ADAM7: variants seen among roughly 807,000 people sequenced by gnomAD.
ADAM7 encodes the protein ADAM metallopeptidase domain 7.
In ADAM7, 97 loss-of-function variants were observed where a neutral mutation model predicts 102.9. The ratio of observed to expected loss-of-function variants is 0.94; its 90% confidence interval spans 0.80 to 1.12. The LOEUF (loss-of-function observed/expected upper bound fraction) is 1.12. ADAM7 is among the 50% of genes most tolerant of loss of function. ADAM7 has a pLI of 0.00. For missense variants in ADAM7, 991 were observed against 908.7 expected (o/e 1.09, Z -1.16); for synonymous variants, 334 against 304.4 (o/e 1.10, Z -1.01).
rs1391265461 is a variant in ADAM7, at chr8:24,451,846, T to C, written c.233+4584T>C. Among the ~76,000 whole-genome samples, 3 of 150,970 alleles carry C rather than the reference T, an allele frequency of 2.0e-5. No individual in the cohort carries two copies. The Admixed American group carries it at 2.0e-4, about 10-fold the overall frequency. ...ATGCGTCCCAGAGATTCTGGTATGT[T>C]GTGTCTTTGTTCTCGTTGGTTTCAA... On this transcript the variant is annotated intron_variant, in intron 3 of 21. Transcript: ENST00000175238.
intron 11 of ADAM7, among the ~76,000 whole-genome samples, chr8:24,488,768 CTAA>C (rs1246611548): frequency 6.6e-6 from 1 of 151,940 alleles, no homozygotes; most frequent in Non-Finnish European, 1.5e-5. Flanking sequence ...ACTGTGTTAA[CTAA>C]TGTTTATTTT....
intron 7 of ADAM7, among the ~76,000 whole-genome samples, chr8:24,475,443 GAA>G (rs1819735686): frequency 6.6e-6 from 1 of 152,038 alleles, no homozygotes; most frequent in Non-Finnish European, 1.5e-5. Flanking sequence ...TCTTGAAACA[GAA>G]AATAGTCAAC....
At chr8:24,498,167 G>T (rs1312826332) in intron 16 of ADAM7, among the ~76,000 whole-genome samples, 1 of 151,702 alleles carries the variant, frequency 6.6e-6, no homozygotes, top group South Asian at 2.1e-4. Flanking sequence ...AACTCCATAA[G>T]ACTTTTGAGT....
At chr8:24,500,373 C>A in intron 18 of ADAM7, 117 bp downstream of exon 18, 1 of 911,456 alleles carries the variant, frequency 1.1e-6, no homozygotes, top group Non-Finnish European at 1.7e-6. Flanking sequence ...TTTGTATGGT[C>A]TTCATATTAT....
chr8:24,472,578 A>G (rs996635297), intron 7 of ADAM7, among the ~76,000 whole-genome samples: 1 of 152,114 alleles, frequency 6.6e-6, no homozygotes, highest in Non-Finnish European at 1.5e-5. Context: ...ATAGTAAAGT[A>G]AAATTTATTA....
At chr8:24,500,125 A>G in intron 17 of ADAM7, 53 bp from the exon 18 acceptor site, 1 of 1,498,176 alleles carries the variant, frequency 6.7e-7, no homozygotes, top group Non-Finnish European at 9.1e-7. Context: ...AGTGAGTTGC[A>G]GAACACAACT....
chr8:24,477,517 C>A (rs774251705), intron 8 of ADAM7, among the ~76,000 whole-genome samples: 5 of 150,670 alleles, frequency 3.3e-5, no homozygotes, highest in Non-Finnish European at 5.9e-5. Context: ...TCAGTTTTGT[C>A]CATTGGGCAA....
At chr8:24,448,127 G>A (rs1192199477) in intron 3 of ADAM7, among the ~76,000 whole-genome samples, 1 of 152,106 alleles carries the variant, frequency 6.6e-6, no homozygotes, top group Non-Finnish European at 1.5e-5. Flanking sequence ...GATTTATTGA[G>A]AGATTTCTAT....
intron 7 of ADAM7, among the ~76,000 whole-genome samples, chr8:24,473,859 T>C (rs1219652745): frequency 2.0e-5 from 3 of 152,132 alleles, no homozygotes; most frequent in Non-Finnish European, 4.4e-5. Flanking sequence ...TAAAAAGTGA[T>C]AATTTCAAAT....
At chr8:24,471,348 G>T (rs1819596241) in intron 7 of ADAM7, among the ~76,000 whole-genome samples, 1 of 151,918 alleles carries the variant, frequency 6.6e-6, no homozygotes, top group Non-Finnish European at 1.5e-5. Context: ...TCCACCGTAG[G>T]GTACAGTAAT....
chr8:24,464,979 G>A (rs892949175), intron 4 of ADAM7, among the ~76,000 whole-genome samples: 1 of 151,978 alleles, frequency 6.6e-6, no homozygotes, highest in African/African-American at 2.4e-5. Context: ...TAGAGGCGGG[G>A]TTTCACCATG....
rs1432204244 is a variant in ADAM7 at position 24,507,511 on chromosome 8, C to A, written c.2240C>A (p.Ala747Glu). ...GCAAGTAAAGATTCAAGAGGAATCG[C>A]AGATCCCAATCAAAGTGCCAAGTGG... Reference protein sequence around the residue: ...KPASKDSRGIADPNQSAK With the variant: ...KPASKDSRGIEDPNQSAK The change falls in exon 21 of 22, where the codon GCA (alanine) becomes GAA (glutamate). Residue 747 changes from alanine to glutamate, a missense_variant. Coordinates refer to ENST00000175238, the MANE Select transcript of ADAM7 (RefSeq NM_003817.4). 1 of 1,612,866 alleles carries A rather than the reference C, an allele frequency of 6.2e-7. No homozygotes were observed. The highest frequency in any genetic ancestry group is 8.5e-7 in the Non-Finnish European group (1 of 1,178,994).
rs1184009901 is a variant in ADAM7 at position 24,492,098 on chromosome 8, G to A, written c.1552G>A (p.Glu518Lys). The A allele has an allele frequency of 1.9e-6, 3 of 1,610,722 alleles. No individual in the cohort carries two copies. In the East Asian group the frequency reaches 6.7e-5, roughly 36 times the overall value. Reference protein sequence around the residue: ...EDQCSELFDDEAIESHDICYK... With the variant: ...EDQCSELFDDKAIESHDICYK... ...TCAGTGCTCTGAACTATTTGATGAT[G>A]GTGAGAGATAATCACAGTGAAGTAT... The change falls in exon 14 of 22, where the codon GAG becomes AAG. Residue 518 changes from glutamate to lysine, a missense_variant and splice_region_variant. Transcript: ENST00000175238.
intron 9 of ADAM7, among the ~76,000 whole-genome samples, chr8:24,484,189 C>G (rs1820055934): frequency 1.3e-5 from 2 of 152,102 alleles, no homozygotes; most frequent in Non-Finnish European, 2.9e-5. Flanking sequence ...CTCCAAGAAG[C>G]ATAGTCAAAT....
chr8:24,488,449 A>G (rs554197915), intron 11 of ADAM7, among the ~76,000 whole-genome samples: 1 of 152,286 alleles, frequency 6.6e-6, no homozygotes, highest in Admixed American at 6.5e-5. Context: ...TAAAGTGACT[A>G]ACACAACTAA....
intron 7 of ADAM7, among the ~76,000 whole-genome samples, chr8:24,472,543 G>T (rs1192418378): frequency 5.3e-5 from 8 of 151,744 alleles, no homozygotes; most frequent in Non-Finnish European, 1.2e-4. Context: ...TGAAATTATG[G>T]ACTATTTATA....
chr8:24,501,639 G>A (rs1045688888), intron 20 of ADAM7, 63 bp downstream of exon 20: 79 of 1,281,916 alleles, frequency 6.2e-5, no homozygotes, highest in Non-Finnish European at 1.9e-5. Context: ...AGCTGAATGT[G>A]TTTAAAGTAG....
chr8:24,501,041 G>A, intron 19 of ADAM7, 146 bp downstream of exon 19: 1 of 638,542 alleles, frequency 1.6e-6, no homozygotes, highest in South Asian at 2.2e-5. Context: ...AAGCTTTTAT[G>A]TACTTGCTCA....
intron 13 of ADAM7, 79 bp downstream of exon 13, chr8:24,490,967 A>G: frequency 1.4e-6 from 2 of 1,384,128 alleles, no homozygotes; most frequent in Non-Finnish European, 2.0e-6. Context: ...TAACCACTGG[A>G]CAGCCCTGCA....
Sources: gnomAD v4.1 joint callset for allele counts (sites outside exome capture counted in the v4.1 genomes callset) on GRCh38, gnomAD v4.1.1 for gene constraint, MANE v1.5 for transcripts, NCBI Gene and HGNC (gene_info 2026-07-23, HGNC 2026-07-21) for gene names.